TOLLIP: variants seen among roughly 807,000 people sequenced by gnomAD.
TOLLIP encodes toll-interacting protein.
TOLLIP carries 16 observed loss-of-function variants against 33.5 expected under a neutral mutation model. The observed-to-expected ratio is 0.48, with a 90% CI of 0.32 to 0.72. TOLLIP has a LOEUF of 0.72. TOLLIP is among the 30% of genes least tolerant of loss of function. TOLLIP has a pLI of 0.03. For synonymous variants in TOLLIP, 176 were observed against 163.7 expected (o/e 1.07, Z -0.57); for missense variants, 325 against 396.6 (o/e 0.82, Z 1.53).
intron 1 of TOLLIP, among the ~76,000 whole-genome samples, chr11:1,304,141 G>A (rs1864360730): frequency 6.6e-6 from 1 of 151,984 alleles, no homozygotes. Context: ...AAAGCCGGAG[G>A]AAGGGACATC....
chr11:1,309,542 C>T lies in TOLLIP; in HGVS notation c.-44G>A. 1 of 1,247,950 alleles carries T rather than the reference C, an allele frequency of 8.0e-7. No homozygotes were observed. The highest frequency in any genetic ancestry group is 2.3e-5 in the South Asian group (1 of 44,280). 77.3% of individuals were successfully genotyped at this position (1,247,950 alleles called of 1,614,324 possible). A position where few individuals can be genotyped will look rare whatever the true frequency, so the allele number is the denominator to read the frequency against. On this transcript the variant is annotated 5_prime_UTR_variant, in exon 1 of 6. Coordinates refer to ENST00000317204, the MANE Select transcript of TOLLIP (RefSeq NM_019009.4). ...GTGGCTCGCCGACCCGACAGTGACG[C>T]GCCGGGCGACCTCCTGCGCCCCCGC...
intron 1 of TOLLIP, among the ~76,000 whole-genome samples, chr11:1,308,731 C>T (rs1035888298): frequency 6.6e-6 from 1 of 152,260 alleles, no homozygotes; most frequent in Non-Finnish European, 1.5e-5. Flanking sequence ...TGGCCACTAA[C>T]CGGGGACACA....
intron 1 of TOLLIP, among the ~76,000 whole-genome samples, chr11:1,300,688 T>G (rs1428318754): frequency 6.6e-6 from 1 of 152,152 alleles, no homozygotes; most frequent in East Asian, 1.9e-4. Context: ...CTTTCTGCCT[T>G]GACAGAGCCC....
chr11:1,295,641 C>T lies in TOLLIP; in HGVS notation c.183+4G>A, dbSNP rs778792958. 2.6e-6 allele frequency: 4 copies of T among 1,547,348 alleles called. No homozygotes were observed. In the African/African-American group the frequency reaches 5.4e-5, roughly 21 times the overall value. On this transcript the variant is annotated splice_donor_region_variant and intron_variant, in intron 2 of 5. Coordinates refer to ENST00000317204, the MANE Select transcript of TOLLIP (RefSeq NM_019009.4). ...GGCAGGCAGGAGGGTGCCCCAAGGC[C>T]CACCTGTACCACCGTGATGTTCAGT...
intron 5 of TOLLIP, among the ~76,000 whole-genome samples, chr11:1,281,935 G>A (rs529614822): frequency 1.3e-5 from 2 of 152,366 alleles, no homozygotes; most frequent in East Asian, 1.9e-4. Context: ...CAAGGTCTCC[G>A]CAGACTTCGC....
chr11:1,301,170 T>C (rs762769226), intron 1 of TOLLIP, among the ~76,000 whole-genome samples: 1 of 152,250 alleles, frequency 6.6e-6, no homozygotes, highest in Non-Finnish European at 1.5e-5. Flanking sequence ...ACAACTTATA[T>C]AAACACAATA....
Position 1,309,045 on chromosome 11 carries a change from C to T in TOLLIP, c.33+421G>A, listed in dbSNP as rs533092073. Among the ~76,000 whole-genome samples the T allele has an allele frequency of 2.0e-5, 3 of 152,232 alleles. No homozygotes were observed. The East Asian group carries it at 5.8e-4, about 29-fold the overall frequency. ...CCTGGGGGACCATTAGGGTGCGGGG[C>T]CCTCCTCCATTCGGGAGTCAGAGCT... On this transcript the variant is annotated intron_variant, in intron 1 of 5. Coordinates refer to ENST00000317204, the MANE Select transcript of TOLLIP (RefSeq NM_019009.4).
At chr11:1,285,924 C>T (rs1290452749) in intron 5 of TOLLIP, 78 bp downstream of exon 5, 18 of 1,188,624 alleles carry the variant, frequency 1.5e-5, no homozygotes, top group African/African-American at 6.1e-5. Flanking sequence ...CTCTAAGCCC[C>T]GTTCCCTCCT....
At chr11:1,286,983 G>A (rs1029907102) in intron 4 of TOLLIP, among the ~76,000 whole-genome samples, 4 of 151,982 alleles carry the variant, frequency 2.6e-5, no homozygotes, top group Non-Finnish European at 5.9e-5. Flanking sequence ...TCACTGCACC[G>A]CGGTTGTCTC....
Position 1,292,012 on chromosome 11 carries a change from C to T in TOLLIP, c.184-1603G>A, listed in dbSNP as rs56156644. 5.2e-3 allele frequency: 791 copies of T among 152,462 alleles called. 7 individuals are homozygous for T. The highest frequency in any genetic ancestry group is 0.033 in the South Asian group (160 of 4,854). 9.4% of individuals were successfully genotyped at this position (152,462 alleles called of 1,614,324 possible). A position where few individuals can be genotyped will look rare whatever the true frequency, so the allele number is the denominator to read the frequency against. On this transcript the variant is annotated intron_variant, in intron 2 of 5. Coordinates refer to ENST00000317204, the MANE Select transcript of TOLLIP (RefSeq NM_019009.4). ...TTTCACTTCTAATCAAAGCTGTGGC[C>T]GGTCCTTTTAGGTCAAAACTGCCCC...
intron 1 of TOLLIP, among the ~76,000 whole-genome samples, chr11:1,306,552 A>G (rs182032389): frequency 1.3e-5 from 2 of 152,250 alleles, no homozygotes; most frequent in African/African-American, 2.4e-5. Flanking sequence ...GAAAGAGGAC[A>G]TGATAAATAC....
chr11:1,289,124 CCA>C (rs2133902194), intron 3 of TOLLIP, among the ~76,000 whole-genome samples: 1 of 152,326 alleles, frequency 6.6e-6, no homozygotes, highest in African/African-American at 2.4e-5. Context: ...CATCCTTGCT[CCA>C]CCGGCTGCCA....
At chr11:1,297,727 G>A (rs774949064) in intron 1 of TOLLIP, among the ~76,000 whole-genome samples, 4 of 152,218 alleles carry the variant, frequency 2.6e-5, no homozygotes, top group Middle Eastern at 3.2e-3. Flanking sequence ...CTGCCCTTAC[G>A]GACAATCGAG....
At chr11:1,301,467 C>T (rs1864275919) in intron 1 of TOLLIP, among the ~76,000 whole-genome samples, 2 of 151,404 alleles carry the variant, frequency 1.3e-5, no homozygotes. Flanking sequence ...CCGAGAACTC[C>T]GTATCCATGT....
chr11:1,308,267 A>G (rs947992900), intron 1 of TOLLIP, among the ~76,000 whole-genome samples: 17 of 152,196 alleles, frequency 1.1e-4, no homozygotes, highest in Admixed American at 6.5e-4. Flanking sequence ...TGTCCCGGTG[A>G]TAGTGAGTTC....
chr11:1,282,762 C>G (rs567933322), intron 5 of TOLLIP, among the ~76,000 whole-genome samples: 1 of 151,664 alleles, frequency 6.6e-6, no homozygotes, highest in African/African-American at 2.4e-5. Flanking sequence ...CACATGTACC[C>G]TAAAACTTAA....
intron 5 of TOLLIP, among the ~76,000 whole-genome samples, chr11:1,280,938 C>T (rs1327461073): frequency 3.3e-5 from 5 of 152,232 alleles, no homozygotes; most frequent in East Asian, 3.9e-4. Context: ...TGGTCTCTCA[C>T]GCACGAAGAA....
chr11:1,291,599 A>C (rs1183476156), intron 2 of TOLLIP, among the ~76,000 whole-genome samples: 1 of 140,228 alleles, frequency 7.1e-6, no homozygotes, highest in Non-Finnish European at 1.5e-5. Flanking sequence ...GTCCTCACTG[A>C]ACCCTCTCTG....
intron 1 of TOLLIP, among the ~76,000 whole-genome samples, chr11:1,296,809 A>C (rs111163740): frequency 1.1e-5 from 1 of 89,116 alleles, no homozygotes. Flanking sequence ...GGCCTGGTTG[A>C]TGGAGGAGTG....
Sources: gnomAD v4.1 joint callset for allele counts (sites outside exome capture counted in the v4.1 genomes callset) on GRCh38, gnomAD v4.1.1 for gene constraint, MANE v1.5 for transcripts, NCBI Gene and HGNC (gene_info 2026-07-23, HGNC 2026-07-21) for gene names.